Variants in PDZD7 observed in about 807,000 individuals in gnomAD.
The protein encoded by PDZD7 is PDZ domain-containing protein 7.
In PDZD7, 72 loss-of-function variants were observed where a neutral mutation model predicts 84.7. That is an observed-to-expected ratio of 0.85 (90% CI 0.70 to 1.03). The LOEUF is 1.03. Among genes scored for constraint, PDZD7 ranks in the 50% least tolerant of loss-of-function variants. The pLI is 0.00. For synonymous variants in PDZD7, 594 were observed against 580.7 expected (o/e 1.02, Z -0.33); for missense variants, 1,490 against 1,412.9 (o/e 1.05, Z -0.87).
intron 10 of PDZD7, 31 bp from the exon 11 acceptor site, chr10:101,015,842 G>A: frequency 1.3e-6 from 2 of 1,533,298 alleles, no homozygotes; most frequent in East Asian, 4.9e-5. Flanking sequence ...GGGGAGGGGA[G>A]AGGGGCTTCC....
chr10:101,021,773 T>G, intron 6 of PDZD7, 25 bp downstream of exon 6: 1 of 1,614,132 alleles, frequency 6.2e-7, no homozygotes, highest in East Asian at 2.2e-5. Context: ...GCCTCACCTC[T>G]CCCTACCCCC....
intron 2 of PDZD7, among the ~76,000 whole-genome samples, chr10:101,026,049 T>C (rs1937679529): frequency 6.6e-6 from 1 of 151,946 alleles, no homozygotes; most frequent in Non-Finnish European, 1.5e-5. Flanking sequence ...CACACTGCAA[T>C]ACGTATGTGC....
chr10:101,010,236 G>A (rs1479802286), intron 15 of PDZD7, 36 bp downstream of exon 15: 23 of 1,491,804 alleles, frequency 1.5e-5, no homozygotes, highest in Non-Finnish European at 1.9e-5. Context: ...AGGCTTCCTA[G>A]TGTCCTCTGC....
Position 101,022,244 on chromosome 10 carries a change from C to T in PDZD7, c.684G>A (p.Gly228=). The change falls in exon 5 of 17, where the codon GGG becomes GGA. Residue 228 remains glycine (G), a synonymous_variant. Transcript: ENST00000619208. ...AGATGCCCAGGCCAAACTCCTTGCC[C>T]CCACGGATGTTGAAGCCCAGGCAGA... ...DDFCLGFNIR[G]GKEFGLGIYV... is the part of the protein sequence containing the mutation. 1.2e-6 allele frequency: 2 copies of T among 1,614,236 alleles called. No individual in the cohort carries two copies. Among genetic ancestry groups the T allele is most frequent in the Non-Finnish European group, 1.7e-6 (2 of 1,180,054 alleles).
intron 7 of PDZD7, among the ~76,000 whole-genome samples, chr10:101,020,225 A>C (rs1402555512): frequency 2.0e-5 from 3 of 152,082 alleles, no homozygotes; most frequent in Non-Finnish European, 1.5e-5. Context: ...CTCCTGCCTC[A>C]GGCTCCCGAG....
Position 101,008,725 on chromosome 10 carries a change from C to A in PDZD7, c.2844G>T (p.Arg948Ser). ...AGGGCCGTGGGCTGGGCCCGGGGAC[C>A]CTGACCACAAGCTCCATGGGCTCCC... ...KAREPMELVVRVPGPSPRPSP... is the reference protein window; with the variant it reads ...KAREPMELVVSVPGPSPRPSP... Residue 948 changes from arginine to serine, a missense_variant, in exon 17 of 17, where the codon AGG becomes AGT. By Grantham distance (110) the Arg-to-Ser change is moderately radical (BLOSUM62 -1). Coordinates refer to ENST00000619208, the MANE Select transcript of PDZD7 (RefSeq NM_001195263.2). The A allele has an allele frequency of 6.5e-7, 1 of 1,535,928 alleles. No individual in the cohort carries two copies. The highest frequency in any genetic ancestry group is 8.7e-7 in the Non-Finnish European group (1 of 1,146,812).
intron 9 of PDZD7, among the ~76,000 whole-genome samples, chr10:101,017,128 C>G (rs1041413740): frequency 6.6e-6 from 1 of 152,170 alleles, no homozygotes; most frequent in African/African-American, 2.4e-5. Context: ...CACATCACAG[C>G]GATTTATTCT....
intron 11 of PDZD7, among the ~76,000 whole-genome samples, chr10:101,013,716 T>A (rs1349946822): frequency 6.6e-6 from 1 of 152,074 alleles, no homozygotes; most frequent in East Asian, 1.9e-4. Context: ...AAGTGGAGGT[T>A]GGTGGGTTAG....
intron 2 of PDZD7, among the ~76,000 whole-genome samples, chr10:101,025,692 C>T (rs561122645): frequency 3.3e-5 from 5 of 151,706 alleles, no homozygotes; most frequent in South Asian, 4.2e-4. Context: ...GGACTACAGG[C>T]GCCCACCACC....
chr10:101,015,050 C>T (rs372194044), intron 11 of PDZD7, among the ~76,000 whole-genome samples: 7 of 152,330 alleles, frequency 4.6e-5, no homozygotes, highest in East Asian at 1.9e-4. Flanking sequence ...ACTCTCTCTC[C>T]ACCCTGGGGC....
intron 14 of PDZD7, 167 bp from the exon 15 acceptor site, chr10:101,011,050 C>CTTATTTAT (rs10637176): frequency 5.3e-5 from 72 of 1,354,610 alleles, no homozygotes; most frequent in African/African-American, 3.3e-4. Flanking sequence ...ATTAGAATCG[C>CTTATTTAT]TTATTTATTT....
Position 101,010,752 on chromosome 10 carries a change from CT to C in PDZD7, c.2136del (p.Ile714SerfsTer9), listed in dbSNP as rs1384233651. ...GGCACGTCTTGTAGAGGGGGGATCC[CT>C]TTATGGGGGTGGCGAGGGGCAGAGG... Reference protein sequence around the residue: ...PSASAPRHPHKGIPPLQDVPV... With the variant: ...PSASAPRHPHXGIPPLQDVPV... On this transcript the variant is annotated frameshift_variant, in exon 15 of 17. Transcript: ENST00000619208. LOFTEE classifies it high-confidence loss of function. 1 of 1,533,012 alleles carries C rather than the reference CT, an allele frequency of 6.5e-7. No homozygotes were observed. Among genetic ancestry groups the C allele is most frequent in the East Asian group, 2.5e-5 (1 of 40,798 alleles). The allele number at this position is 1,533,012 out of a possible 1,614,324, so 95.0% of individuals were successfully genotyped here.
At chr10:101,009,425 T>C in intron 15 of PDZD7, 75 bp from the exon 16 acceptor site, 15 of 1,210,554 alleles carry the variant, frequency 1.2e-5, no homozygotes, top group Middle Eastern at 1.9e-4. Context: ...AAACCTAGAA[T>C]CCCATCCCCA....
At chr10:101,026,794 G>T (rs375258298) in intron 2 of PDZD7, among the ~76,000 whole-genome samples, 1 of 151,886 alleles carries the variant, frequency 6.6e-6, no homozygotes, top group Non-Finnish European at 1.5e-5. Context: ...AGCCTGGGGG[G>T]AGGGGTGGTG....
Position 101,023,422 on chromosome 10 carries a change from G to T in PDZD7, c.542+14C>A. ...GGGCAAGGCCAGGGCTAGGATGAGG[G>T]AGTTGCTGCTCACCACGTGGTCTTC... On this transcript the variant is annotated intron_variant, in intron 4 of 16. Transcript: ENST00000619208. The T allele has an allele frequency of 1.9e-6, 3 of 1,613,996 alleles. No homozygotes were observed. The highest frequency in any genetic ancestry group is 2.5e-6 in the Non-Finnish European group (3 of 1,180,020).
intron 15 of PDZD7, 118 bp downstream of exon 15, chr10:101,010,154 C>T (rs1590044495): frequency 7.7e-6 from 10 of 1,305,116 alleles, no homozygotes; most frequent in Non-Finnish European, 1.0e-5. Context: ...CTCAGCCTCC[C>T]AAAGTGCTGG....
chr10:101,017,459 T>G (rs2134032802), intron 9 of PDZD7: 1 of 555,734 alleles, frequency 1.8e-6, no homozygotes, highest in East Asian at 3.1e-5. Flanking sequence ...ACTCCTGGGC[T>G]CAAGTGATCT....
At chr10:101,019,586 C>CTCT (rs1187649427) in intron 7 of PDZD7, among the ~76,000 whole-genome samples, 12 of 126,748 alleles carry the variant, frequency 9.5e-5, no homozygotes, top group East Asian at 9.0e-4. Context: ...CCTCCTCCTC[C>CTCT]TCTTCTTCTT....
Position 101,010,682 on chromosome 10 carries a change from G to A in PDZD7, c.2207C>T (p.Pro736Leu), listed in dbSNP as rs1852365754. The A allele has an allele frequency of 6.6e-7, 1 of 1,524,464 alleles. No individual in the cohort carries two copies. Among genetic ancestry groups the A allele is most frequent in the Non-Finnish European group, 8.8e-7 (1 of 1,138,844 alleles). The allele number at this position is 1,524,464 out of a possible 1,614,324, so 94.4% of individuals were successfully genotyped here. The stretch of plus-strand genomic sequence containing the variant: ...CCGGGGAGCCACGGGGGGTAGCTGG[G>A]GAGGGGGTGTGCAGGCAATTCGGAG... ...TPLRIACTPP[P>L]QLPPVAPRPL... The change falls in exon 15 of 17, where the codon CCC becomes CTC. Residue 736 changes from proline (P) to leucine (L), a missense_variant. Pro to Leu is a moderately conservative substitution (Grantham distance 98, BLOSUM62 -3). Coordinates refer to ENST00000619208, the MANE Select transcript of PDZD7 (RefSeq NM_001195263.2).
Sources: allele counts gnomAD v4.1 joint callset (sites outside exome capture counted in the v4.1 genomes callset), GRCh38; gene constraint gnomAD v4.1.1; transcripts MANE v1.5; gene names NCBI Gene and HGNC (gene_info 2026-07-23, HGNC 2026-07-21).